TRAPPC9: variants seen among roughly 807,000 people sequenced by gnomAD.
TRAPPC9 encodes the protein IKK2 binding protein.
A neutral mutation model predicts 124.0 loss-of-function variants in TRAPPC9; 83 were observed. The ratio of observed to expected loss-of-function variants is 0.67; its 90% CI spans 0.56 to 0.80. The LOEUF (loss-of-function observed/expected upper bound fraction) is 0.80, where lower values mean the gene tolerates loss of function less well. Among genes scored for constraint, TRAPPC9 ranks in the 30% least tolerant of loss-of-function variants. TRAPPC9 has a pLI of 0.00. For synonymous variants in TRAPPC9, 638 were observed against 617.5 expected (o/e 1.03, Z -0.49); for missense variants, 1,302 against 1,508.3 (o/e 0.86, Z 2.27).
intron 16 of TRAPPC9, among the ~76,000 whole-genome samples, chr8:140,242,181 T>C (rs1285221031): frequency 6.7e-6 from 1 of 148,580 alleles, no homozygotes; most frequent in Non-Finnish European, 1.5e-5. Context: ...TGGGACCAGA[T>C]TACATAGAGA....
intron 18 of TRAPPC9, among the ~76,000 whole-genome samples, chr8:140,006,352 A>T (rs527371719): frequency 6.6e-6 from 1 of 152,380 alleles, no homozygotes; most frequent in African/African-American, 2.4e-5. Context: ...TAGATACAAT[A>T]ACAAATATTG....
chr8:140,275,546 C>G, intron 15 of TRAPPC9, 112 bp downstream of exon 15: 1 of 1,243,628 alleles, frequency 8.0e-7, no homozygotes, highest in Non-Finnish European at 1.2e-6. Context: ...CTGACTTCAA[C>G]TGAATCCACA....
intron 8 of TRAPPC9, among the ~76,000 whole-genome samples, chr8:140,362,159 T>G (rs1368708806): frequency 1.3e-5 from 2 of 152,228 alleles, no homozygotes; most frequent in Admixed American, 1.3e-4. Context: ...TTAATTTCCT[T>G]GGGAGGCAGG....
intron 19 of TRAPPC9, among the ~76,000 whole-genome samples, chr8:139,937,313 C>T (rs939052315): frequency 4.6e-5 from 7 of 152,140 alleles, no homozygotes; most frequent in African/African-American, 1.4e-4. Context: ...AATATGGGTG[C>T]GGGCCCAGAG....
At chr8:140,180,245 T>C (rs1646781421) in intron 17 of TRAPPC9, among the ~76,000 whole-genome samples, 1 of 151,978 alleles carries the variant, frequency 6.6e-6, no homozygotes, top group Non-Finnish European at 1.5e-5. Context: ...GTGTTTCTTC[T>C]GTCATTTCAA....
intron 17 of TRAPPC9, among the ~76,000 whole-genome samples, chr8:140,073,288 A>G (rs1365550088): frequency 6.6e-6 from 1 of 152,248 alleles, no homozygotes; most frequent in African/African-American, 2.4e-5. Flanking sequence ...TTTATTCATA[A>G]TAGTCAAAAA....
intron 18 of TRAPPC9, among the ~76,000 whole-genome samples, chr8:140,006,360 T>C (rs951609849): frequency 6.6e-6 from 1 of 152,182 alleles, no homozygotes; most frequent in Admixed American, 6.5e-5. Flanking sequence ...ATAACAAATA[T>C]TGGCAAGAAT....
At chr8:140,313,094 A>T (rs1030399022) in intron 9 of TRAPPC9, among the ~76,000 whole-genome samples, 1 of 152,240 alleles carries the variant, frequency 6.6e-6, no homozygotes, top group Non-Finnish European at 1.5e-5. Context: ...AGCAGAGCAG[A>T]AAAGTGACCA....
intron 21 of TRAPPC9, among the ~76,000 whole-genome samples, chr8:139,809,961 G>C (rs1392564864): frequency 4.6e-5 from 7 of 152,162 alleles, no homozygotes; most frequent in African/African-American, 1.4e-4. Context: ...AGGTGCTAGA[G>C]GCACATCTGG....
chr8:139,733,948 G>C (rs1480661751), intron 21 of TRAPPC9, among the ~76,000 whole-genome samples: 6 of 152,200 alleles, frequency 3.9e-5, no homozygotes, highest in Non-Finnish European at 7.4e-5. Flanking sequence ...GTGTGGTTGG[G>C]CCTCCTGCTG....
At position 139,877,479 on chromosome 8, in the gene TRAPPC9, G is replaced by A. The variant is rs185619224; in HGVS notation, c.3055+8400C>T. ...TCATGGGCTGAGACGGAGGGGTCTC[G>A]GGAGCTCCAGCCCGATGTGCAGATT... On this transcript the variant is annotated intron_variant, in intron 21 of 22. Coordinates refer to ENST00000438773, the MANE Select transcript of TRAPPC9 (RefSeq NM_001160372.4). 2.8e-4 allele frequency among the ~76,000 whole-genome samples: 42 copies of A among 152,282 alleles called. No individual in the cohort carries two copies. The East Asian group carries it at 6.0e-3, about 22-fold the overall frequency.
chr8:140,061,430 G>A (rs1257383710), intron 17 of TRAPPC9, among the ~76,000 whole-genome samples: 4 of 152,152 alleles, frequency 2.6e-5, no homozygotes, highest in East Asian at 1.9e-4. Context: ...ACACAAGTCC[G>A]GTTCTCTGTC....
chr8:140,045,491 G>A (rs1418667222), intron 17 of TRAPPC9, among the ~76,000 whole-genome samples: 1 of 151,902 alleles, frequency 6.6e-6, no homozygotes, highest in Non-Finnish European at 1.5e-5. Flanking sequence ...GCTGGGTGTG[G>A]CGGCACGCAC....
intron 21 of TRAPPC9, among the ~76,000 whole-genome samples, chr8:139,790,882 T>C (rs1005193454): frequency 6.6e-6 from 1 of 152,146 alleles, no homozygotes; most frequent in African/African-American, 2.4e-5. Flanking sequence ...GTCCTTGCGA[T>C]AGTGAGTGAT....
chr8:140,269,942 T>C (rs979661747), intron 15 of TRAPPC9, among the ~76,000 whole-genome samples: 6 of 151,838 alleles, frequency 4.0e-5, no homozygotes, highest in Non-Finnish European at 8.8e-5. Flanking sequence ...CTACTAAAAA[T>C]ACAAAAAATT....
chr8:140,206,686 T>G (rs2062924336), intron 17 of TRAPPC9, among the ~76,000 whole-genome samples: 1 of 152,044 alleles, frequency 6.6e-6, no homozygotes, highest in Admixed American at 6.6e-5. Context: ...TGACCTCATC[T>G]TTTATGGCCC....
intron 21 of TRAPPC9, among the ~76,000 whole-genome samples, chr8:139,852,192 CCA>C (rs1412540380): frequency 7.9e-5 from 12 of 152,318 alleles, no homozygotes; most frequent in Non-Finnish European, 1.5e-5. Context: ...TTGCCTTCCA[CCA>C]CAATTGTGAG....
intron 18 of TRAPPC9, among the ~76,000 whole-genome samples, chr8:140,003,655 T>A (rs75305801): frequency 6.8e-6 from 1 of 147,234 alleles, no homozygotes; most frequent in East Asian, 2.0e-4. Context: ...GATATCACTA[T>A]ATGCCTATTA....
Position 140,300,441 on chromosome 8 carries a change from G to A in TRAPPC9, c.1768+28C>T, listed in dbSNP as rs1225833625. On this transcript the variant is annotated intron_variant, in intron 11 of 22. Coordinates refer to ENST00000438773, the MANE Select transcript of TRAPPC9 (RefSeq NM_001160372.4). ...CATTGGAAATCAGGTGGCAGAGCAC[G>A]GTGGGAAAGCCAGGATCGACGTCCT... The A allele has an allele frequency of 1.5e-5, 25 of 1,613,840 alleles. No individual in the cohort carries two copies. In the African/African-American group the frequency reaches 2.0e-4, roughly 13 times the overall value.
Sources: allele counts gnomAD v4.1 joint callset (sites outside exome capture counted in the v4.1 genomes callset), GRCh38; gene constraint gnomAD v4.1.1; transcripts MANE v1.5; gene names NCBI Gene and HGNC (gene_info 2026-07-23, HGNC 2026-07-21).